Variants in LRPPRC observed in about 807,000 individuals in gnomAD.
The protein encoded by LRPPRC is leucine-rich PPR motif-containing protein, mitochondrial.
In LRPPRC, 120 loss-of-function variants were observed where a neutral mutation model predicts 180.3. The observed-to-expected ratio is 0.67, with a 90% confidence interval of 0.57 to 0.77. The LOEUF is 0.77. Among genes scored for constraint, LRPPRC ranks in the 30% least tolerant of loss-of-function variants. The pLI, the probability that LRPPRC is intolerant of heterozygous loss-of-function variation, is 0.00. For missense variants in LRPPRC, 2,012 were observed against 1,657.2 expected (o/e 1.21, Z -3.72); for synonymous variants, 723 against 600.0 (o/e 1.21, Z -3.00).
At chr2:43,927,659 A>G (rs926920647) in intron 25 of LRPPRC, among the ~76,000 whole-genome samples, 1 of 152,230 alleles carries the variant, frequency 6.6e-6, no homozygotes, top group African/African-American at 2.4e-5. Context: ...ACGGTCACTT[A>G]CAACTTTCAA....
At chr2:43,924,965 C>A in intron 27 of LRPPRC, 102 bp downstream of exon 27, 1 of 770,372 alleles carries the variant, frequency 1.3e-6, no homozygotes, top group South Asian at 1.4e-5. Flanking sequence ...ATGAAAACTG[C>A]CTTCTGACAA....
At chr2:43,972,750 T>C (rs1046000035) in intron 11 of LRPPRC, among the ~76,000 whole-genome samples, 4 of 152,164 alleles carry the variant, frequency 2.6e-5, no homozygotes, top group African/African-American at 7.2e-5. Context: ...AAAATTGCAA[T>C]ATGAAAGTCT....
At chr2:43,964,292 C>T (rs1317232628) in intron 11 of LRPPRC, among the ~76,000 whole-genome samples, 1 of 151,962 alleles carries the variant, frequency 6.6e-6, no homozygotes, top group East Asian at 1.9e-4. Context: ...TCACAAAAAT[C>T]TCTTTTAATA....
chr2:43,920,245 C>T (rs907200061), intron 27 of LRPPRC, among the ~76,000 whole-genome samples: 3 of 152,066 alleles, frequency 2.0e-5, no homozygotes, highest in Non-Finnish European at 2.9e-5. Context: ...AAGCAATTCT[C>T]CTGCCTCAGA....
intron 25 of LRPPRC, 39 bp from the exon 26 acceptor site, chr2:43,926,000 C>A (rs1011850311): frequency 5.9e-6 from 7 of 1,186,732 alleles, no homozygotes; most frequent in Admixed American, 5.1e-5. Flanking sequence ...CAAGGTAAGG[C>A]TTCGGCTGAA....
At chr2:43,917,564 C>G (rs1323478795) in intron 29 of LRPPRC, among the ~76,000 whole-genome samples, 2 of 151,870 alleles carry the variant, frequency 1.3e-5, no homozygotes, top group African/African-American at 2.4e-5. Flanking sequence ...CCGAGGTGGG[C>G]AGATCACGAG....
intron 6 of LRPPRC, among the ~76,000 whole-genome samples, chr2:43,975,634 G>A (rs1337880374): frequency 1.3e-5 from 2 of 151,504 alleles, no homozygotes; most frequent in African/African-American, 4.9e-5. Context: ...CCAGGCTGGA[G>A]TGCAATGGTG....
chr2:43,907,661 C>A (rs1231504633), intron 30 of LRPPRC, among the ~76,000 whole-genome samples: 1 of 152,064 alleles, frequency 6.6e-6, no homozygotes, highest in Non-Finnish European at 1.5e-5. Flanking sequence ...GGTTACTGAA[C>A]TGGATAGCAG....
At chr2:43,935,988 A>C (rs1672263646) in intron 23 of LRPPRC, among the ~76,000 whole-genome samples, 1 of 151,988 alleles carries the variant, frequency 6.6e-6, no homozygotes, top group Non-Finnish European at 1.5e-5. Flanking sequence ...GGGGCTGAGG[A>C]GGGAGAATCC....
At chr2:43,928,366 A>G (rs1355017209) in intron 25 of LRPPRC, among the ~76,000 whole-genome samples, 5 of 152,236 alleles carry the variant, frequency 3.3e-5, no homozygotes, top group African/African-American at 1.2e-4. Flanking sequence ...CTGTTAGGTA[A>G]AAAGAAATGA....
At chr2:43,920,678 T>C (rs1044265221) in intron 27 of LRPPRC, among the ~76,000 whole-genome samples, 1 of 122,002 alleles carries the variant, frequency 8.2e-6, no homozygotes, top group Non-Finnish European at 1.7e-5. Context: ...TAAAACTTAT[T>C]TGATTTAAAA....
chr2:43,904,725 CAAA>C (rs373490422), intron 31 of LRPPRC: 1 of 139,750 alleles, frequency 7.2e-6, no homozygotes, highest in Non-Finnish European at 1.6e-5. Flanking sequence ...AAAAACAAAA[CAAA>C]AAAAAACCCA....
At chr2:43,901,260 A>T in intron 32 of LRPPRC, 60 bp downstream of exon 32, 1 of 1,377,126 alleles carries the variant, frequency 7.3e-7, no homozygotes, top group Non-Finnish European at 1.0e-6. Flanking sequence ...AAAAGGTGGT[A>T]TCTGAGGCAA....
intron 14 of LRPPRC, among the ~76,000 whole-genome samples, chr2:43,951,633 G>C (rs1357407569): frequency 1.3e-5 from 2 of 152,088 alleles, no homozygotes; most frequent in South Asian, 2.1e-4. Context: ...ATTTTTAATA[G>C]TCCAGCAAAG....
chr2:43,925,371 A>G (rs1277176864), intron 26 of LRPPRC, among the ~76,000 whole-genome samples: 2 of 152,212 alleles, frequency 1.3e-5, no homozygotes, highest in African/African-American at 4.8e-5. Flanking sequence ...CTTACATTAT[A>G]CTTATTTTAC....
chr2:43,974,544 C>A, intron 8 of LRPPRC, 70 bp downstream of exon 8: 1 of 1,141,846 alleles, frequency 8.8e-7, no homozygotes, highest in Non-Finnish European at 1.3e-6. Context: ...AGAAAATGTC[C>A]TTTCCATCAT....
At chr2:43,906,179 T>TA (rs769233448) in intron 30 of LRPPRC, among the ~76,000 whole-genome samples, 8 of 152,138 alleles carry the variant, frequency 5.3e-5, no homozygotes, top group Non-Finnish European at 1.0e-4. Flanking sequence ...TTCCAGAAAC[T>TA]AAAATGAGGA....
chr2:43,926,026 C>T, intron 25 of LRPPRC, 65 bp from the exon 26 acceptor site: 2 of 948,816 alleles, frequency 2.1e-6, no homozygotes, highest in Non-Finnish European at 3.5e-6. Flanking sequence ...TTTTTTTCCT[C>T]AAAGACAGTT....
intron 25 of LRPPRC, among the ~76,000 whole-genome samples, chr2:43,926,345 C>T (rs767863339): frequency 6.6e-6 from 1 of 152,026 alleles, no homozygotes; most frequent in South Asian, 2.1e-4. Context: ...AACTAGAAAA[C>T]GTCAAATAAA....
Sources: gnomAD v4.1 joint callset for allele counts (sites outside exome capture counted in the v4.1 genomes callset) on GRCh38, gnomAD v4.1.1 for gene constraint, MANE v1.5 for transcripts, NCBI Gene and HGNC (gene_info 2026-07-23, HGNC 2026-07-21) for gene names.